USP34: variants seen among roughly 807,000 people sequenced by gnomAD.
The protein encoded by USP34 is ubiquitin specific peptidase 34, also known as ubiquitin carboxyl-terminal hydrolase 34.
In USP34, 70 loss-of-function variants were observed where a neutral mutation model predicts 460.3. The ratio of observed to expected loss-of-function variants is 0.15; its 90% CI spans 0.13 to 0.19. The LOEUF (loss-of-function observed/expected upper bound fraction) is 0.19, where lower values mean the gene tolerates loss of function less well. Ranked by LOEUF, USP34 falls within the 10% of genes least tolerant of loss-of-function variation. The pLI is 1.00. For synonymous variants in USP34, 1,647 were observed against 1,405.3 expected (o/e 1.17, Z -3.85); for missense variants, 3,985 against 4,236.2 (o/e 0.94, Z 1.65).
intron 20 of USP34, among the ~76,000 whole-genome samples, chr2:61,328,924 GTTTA>G (rs1691177684): frequency 6.6e-6 from 1 of 152,144 alleles, no homozygotes; most frequent in African/African-American, 2.4e-5. Flanking sequence ...ATAACCTAGT[GTTTA>G]TTTCTTTGCT....
intron 61 of USP34, among the ~76,000 whole-genome samples, chr2:61,228,281 C>A (rs1572851796): frequency 2.0e-5 from 3 of 152,126 alleles, no homozygotes; most frequent in African/African-American, 7.2e-5. Flanking sequence ...CATAGACCAC[C>A]TACTTAAATT....
intron 41 of USP34, among the ~76,000 whole-genome samples, chr2:61,268,347 G>C (rs767463212): frequency 6.9e-6 from 1 of 145,256 alleles, no homozygotes; most frequent in Non-Finnish European, 1.5e-5. Context: ...AGAGGTGTTC[G>C]AGTCATCAGG....
chr2:61,203,598 C>A (rs1687034372), intron 74 of USP34, among the ~76,000 whole-genome samples: 1 of 151,862 alleles, frequency 6.6e-6, no homozygotes, highest in Non-Finnish European at 1.5e-5. Context: ...CAAGTTATTC[C>A]TGTAATGTTA....
At chr2:61,443,775 C>T (rs543991767) in intron 1 of USP34, among the ~76,000 whole-genome samples, 3 of 152,254 alleles carry the variant, frequency 2.0e-5, no homozygotes, top group African/African-American at 7.2e-5. Context: ...TGTCAAACCC[C>T]AACAGTGAAC....
At chr2:61,233,065 G>A (rs986431067) in intron 57 of USP34, among the ~76,000 whole-genome samples, 16 of 151,692 alleles carry the variant, frequency 1.1e-4, no homozygotes, top group Admixed American at 4.6e-4. Flanking sequence ...TCACTATGTT[G>A]GCCAGGCTGG....
At chr2:61,302,388 T>C (rs965300183) in intron 27 of USP34, among the ~76,000 whole-genome samples, 11 of 152,228 alleles carry the variant, frequency 7.2e-5, no homozygotes, top group Admixed American at 1.3e-4. Context: ...AGAAGGAATA[T>C]GTTTTTCTTC....
At chr2:61,382,703 A>C (rs748452686) in intron 6 of USP34, among the ~76,000 whole-genome samples, 1 of 152,242 alleles carries the variant, frequency 6.6e-6, no homozygotes, top group Non-Finnish European at 1.5e-5. Context: ...AATTCTAATC[A>C]GTACAACCCT....
intron 41 of USP34, among the ~76,000 whole-genome samples, chr2:61,274,587 T>C (rs1689317334): frequency 6.6e-6 from 1 of 152,042 alleles, no homozygotes; most frequent in South Asian, 2.1e-4. Context: ...ATAACACAAA[T>C]GGCTTTCAAA....
intron 7 of USP34, among the ~76,000 whole-genome samples, chr2:61,378,913 G>GAAAAAAAAAAAAAAAAAAC (rs1692880441): frequency 1.7e-5 from 1 of 57,872 alleles, no homozygotes; most frequent in Non-Finnish European, 2.8e-5. Context: ...TCAAAAAAAC[G>GAAAAAAAAAAAAAAAAAAC]AAAAAAAAAA....
chr2:61,302,778 T>C (rs962437113), intron 27 of USP34, among the ~76,000 whole-genome samples: 1 of 152,220 alleles, frequency 6.6e-6, no homozygotes, highest in African/African-American at 2.4e-5. Flanking sequence ...ATTATCCTTT[T>C]GAATTTTTCT....
chr2:61,399,797 T>C (rs995342106), intron 3 of USP34, among the ~76,000 whole-genome samples: 1 of 144,106 alleles, frequency 6.9e-6, no homozygotes, highest in Non-Finnish European at 1.5e-5. Flanking sequence ...CGCTTGAACC[T>C]GAGAGGCAGA....
rs773555752 is a variant in USP34 at position 61,370,306 on chromosome 2, AG to A, written c.1251+14del. On this transcript the variant is annotated intron_variant, in intron 10 of 79. Transcript: ENST00000398571. ...ATAAGCAAAGCACTCAATAAATGTG[AG>A]CTGTTAATATTACCTGTGCTGCAGC... The A allele has an allele frequency of 6.2e-6, 10 of 1,610,220 alleles. No homozygotes were observed. The African/African-American group carries it at 9.3e-5, about 15-fold the overall frequency.
chr2:61,308,066 A>G (rs1006622840), intron 27 of USP34, among the ~76,000 whole-genome samples: 6 of 152,112 alleles, frequency 3.9e-5, no homozygotes, highest in African/African-American at 1.4e-4. Flanking sequence ...TAAATAAATA[A>G]AAACAAAGTA....
intron 21 of USP34, among the ~76,000 whole-genome samples, chr2:61,323,160 G>A (rs534100538): frequency 4.1e-4 from 62 of 152,218 alleles, no homozygotes; most frequent in African/African-American, 1.4e-3. Context: ...CAGGAGGATC[G>A]CTTGAGTCCA....
chr2:61,267,948 G>T lies in USP34; in HGVS notation c.5434-1781C>A, dbSNP rs568812622. 6.6e-5 allele frequency among the ~76,000 whole-genome samples: 10 copies of T among 151,932 alleles called. 1 individual carries two copies. The South Asian group carries it at 2.1e-3, about 32-fold the overall frequency. ...TTTTTGTATTTTTAGTAGAGATGGGGTTTCACGATGTTGGCCAGGCTGGTC... is the reference window on the plus strand; with the variant it reads ...TTTTTGTATTTTTAGTAGAGATGGGTTTTCACGATGTTGGCCAGGCTGGTC... On this transcript the variant is annotated intron_variant, in intron 41 of 79. Transcript: ENST00000398571.
intron 10 of USP34, among the ~76,000 whole-genome samples, chr2:61,365,800 A>G (rs1692419119): frequency 6.6e-6 from 1 of 152,176 alleles, no homozygotes. Context: ...GAGAAAGGAG[A>G]AAATTGTTGA....
At chr2:61,423,693 T>C (rs965472687) in intron 1 of USP34, among the ~76,000 whole-genome samples, 2 of 152,176 alleles carry the variant, frequency 1.3e-5, no homozygotes, top group East Asian at 1.9e-4. Context: ...CCTCCGATCC[T>C]AGTGCTTTGG....
chr2:61,369,681 ATAATT>A (rs1692552351), intron 10 of USP34, among the ~76,000 whole-genome samples: 1 of 151,000 alleles, frequency 6.6e-6, no homozygotes, highest in Non-Finnish European at 1.5e-5. Context: ...GAGGGAAAAA[ATAATT>A]AAACACTATA....
At chr2:61,298,563 A>G (rs1690114482) in intron 29 of USP34, among the ~76,000 whole-genome samples, 1 of 148,290 alleles carries the variant, frequency 6.7e-6, no homozygotes, top group Non-Finnish European at 1.5e-5. Context: ...AAAAAAAAAA[A>G]AAAAAAAAAT....
Sources: gnomAD v4.1 joint callset for allele counts (sites outside exome capture counted in the v4.1 genomes callset) on GRCh38, gnomAD v4.1.1 for gene constraint, MANE v1.5 for transcripts, NCBI Gene and HGNC (gene_info 2026-07-23, HGNC 2026-07-21) for gene names.